Variants in SCEL observed in about 807,000 individuals in gnomAD.
SCEL encodes the protein sciellin.
Under a neutral mutation model 117.6 loss-of-function variants are expected in SCEL, and 113 were observed. The ratio of observed to expected loss-of-function variants is 0.96; its 90% CI spans 0.83 to 1.12. The LOEUF is 1.12. SCEL is among the 50% of genes most tolerant of loss of function. SCEL has a pLI of 0.00. For missense variants in SCEL, 785 were observed against 810.8 expected (o/e 0.97, Z 0.39); for synonymous variants, 270 against 256.2 (o/e 1.05, Z -0.51).
At chr13:77,546,565 T>C (rs962485156) in intron 1 of SCEL, among the ~76,000 whole-genome samples, 3 of 152,288 alleles carry the variant, frequency 2.0e-5, no homozygotes, top group African/African-American at 7.2e-5. Context: ...ATATGTTTTG[T>C]TGATAAAAGA....
At position 77,637,169 on chromosome 13, in the gene SCEL, C is replaced by T; in HGVS notation, c.1813C>T (p.Gln605Ter). ...YQENISGKYI[Q>*]TVYSTSDRSV... ...GGAGAATATCTCTGGAAAATACATA[C>T]AAACTGTTTATTCAACTTCTGATAG... is the stretch of plus-strand genomic sequence containing the variant. The change falls in exon 30 of 33, where the codon CAA becomes TAA. Residue 605 changes from glutamine (Q) to a stop codon, truncating the protein, a stop_gained. Transcript: ENST00000349847. LOFTEE classifies it high-confidence loss of function. 1 of 1,560,640 alleles carries T rather than the reference C, an allele frequency of 6.4e-7. No individual in the cohort carries two copies. The highest frequency in any genetic ancestry group is 8.7e-7 in the Non-Finnish European group (1 of 1,155,644).
chr13:77,602,259 CA>C, intron 16 of SCEL, 135 bp downstream of exon 16: 1 of 636,912 alleles, frequency 1.6e-6, no homozygotes, highest in Non-Finnish European at 2.6e-6. Context: ...ACCTAGTAGG[CA>C]AAAGGAATAT....
At chr13:77,547,449 G>C (rs1359213079) in intron 1 of SCEL, among the ~76,000 whole-genome samples, 1 of 152,114 alleles carries the variant, frequency 6.6e-6, no homozygotes, top group African/African-American at 2.4e-5. Flanking sequence ...GATGGATTTG[G>C]TATAAAAATG....
At chr13:77,568,833 A>C (rs1324490109) in intron 7 of SCEL, among the ~76,000 whole-genome samples, 1 of 152,234 alleles carries the variant, frequency 6.6e-6, no homozygotes, top group Non-Finnish European at 1.5e-5. Context: ...ACAGATTTAT[A>C]AACTTACTTT....
chr13:77,601,114 CTTT>C (rs11378449), intron 15 of SCEL, among the ~76,000 whole-genome samples: 60 of 141,068 alleles, frequency 4.3e-4, no homozygotes, highest in East Asian at 1.6e-3. Context: ...AAAACAGTCT[CTTT>C]TTTTTTTTTT....
chr13:77,616,551 C>T (rs1279408287), intron 24 of SCEL, among the ~76,000 whole-genome samples: 1 of 151,840 alleles, frequency 6.6e-6, no homozygotes, highest in African/African-American at 2.4e-5. Context: ...AAGCTCAAAA[C>T]AGTGAAAATT....
intron 1 of SCEL, among the ~76,000 whole-genome samples, chr13:77,542,091 T>C (rs963547992): frequency 6.6e-6 from 1 of 152,232 alleles, no homozygotes; most frequent in African/African-American, 2.4e-5. Flanking sequence ...TAAAGCTTGC[T>C]GTTATCATTC....
intron 29 of SCEL, 43 bp from the exon 30 acceptor site, chr13:77,637,077 G>C (rs765320831): frequency 9.9e-7 from 1 of 1,009,534 alleles, no homozygotes. Flanking sequence ...TCTACATAAG[G>C]AAAATCACCT....
chr13:77,549,786 C>G (rs1478383938), intron 1 of SCEL, among the ~76,000 whole-genome samples: 5 of 152,134 alleles, frequency 3.3e-5, no homozygotes, highest in Non-Finnish European at 7.3e-5. Context: ...TATGAATGAT[C>G]CACGGGTCAC....
At chr13:77,571,169 G>A (rs1242735121) in intron 8 of SCEL, among the ~76,000 whole-genome samples, 3 of 150,938 alleles carry the variant, frequency 2.0e-5, no homozygotes, top group Admixed American at 6.6e-5. Context: ...GAGGCCGGGC[G>A]CGGTGGCTCA....
chr13:77,572,235 G>A, intron 9 of SCEL, 46 bp downstream of exon 9: 1 of 1,388,086 alleles, frequency 7.2e-7, no homozygotes, highest in South Asian at 1.2e-5. Context: ...TTAGATGGAA[G>A]AACATGTCAG....
chr13:77,626,774 T>C (rs746252245), intron 27 of SCEL, among the ~76,000 whole-genome samples: 3 of 152,134 alleles, frequency 2.0e-5, no homozygotes, highest in Non-Finnish European at 4.4e-5. Context: ...CTTCATAAAT[T>C]ACCTAGTCTC....
At chr13:77,611,231 G>T (rs957145709) in intron 22 of SCEL, among the ~76,000 whole-genome samples, 8 of 152,184 alleles carry the variant, frequency 5.3e-5, no homozygotes, top group African/African-American at 1.7e-4. Context: ...TAAGTACCTT[G>T]TGAACAAATG....
At chr13:77,559,731 G>T in intron 3 of SCEL, 73 bp from the exon 4 acceptor site, 1 of 1,357,642 alleles carries the variant, frequency 7.4e-7, no homozygotes, top group East Asian at 2.3e-5. Context: ...TCGCCCGCAT[G>T]TCTCTCTCAT....
chr13:77,623,385 G>A (rs1432947984), intron 27 of SCEL: 1 of 152,088 alleles, frequency 6.6e-6, no homozygotes, highest in African/African-American at 2.4e-5. Context: ...TGCTCTGAGT[G>A]CGGTGGTGTT....
intron 19 of SCEL, 78 bp downstream of exon 19, chr13:77,604,493 G>T (rs2087971485): frequency 8.3e-7 from 1 of 1,198,132 alleles, no homozygotes; most frequent in South Asian, 1.7e-5. Context: ...TGGTATTCAG[G>T]ACAGTAAATT....
rs374537294 is a variant in SCEL, at chr13:77,593,300, G to GCGCGCGCGCGTC, written c.693-214_693-213insCGCGCGCGCGTC. ...TGTGTGTGTGTGTGTGTGTGTGTCT[G>GCGCGCGCGCGTC]TGTGTGTGTGTGTGTGTGTCAGTGG... On this transcript the variant is annotated intron_variant, in intron 11 of 32. Transcript: ENST00000349847. Among the ~76,000 whole-genome samples, 55 of 145,226 alleles carry GCGCGCGCGCGTC rather than the reference G, an allele frequency of 3.8e-4. 2 individuals carry two copies. Among genetic ancestry groups the GCGCGCGCGCGTC allele is most frequent in the South Asian group, 8.8e-4 (4 of 4,560 alleles).
At chr13:77,590,825 TG>T (rs1294430659) in intron 10 of SCEL, among the ~76,000 whole-genome samples, 5 of 152,068 alleles carry the variant, frequency 3.3e-5, no homozygotes, top group African/African-American at 7.2e-5. Flanking sequence ...CAAGTAGGAA[TG>T]TATAAGTAGG....
intron 24 of SCEL, among the ~76,000 whole-genome samples, chr13:77,615,119 G>A (rs1594128280): frequency 6.6e-6 from 1 of 152,052 alleles, no homozygotes; most frequent in East Asian, 1.9e-4. Context: ...TTAAAAAGGA[G>A]ACATATTGAA....
Sources: allele counts gnomAD v4.1 joint callset (sites outside exome capture counted in the v4.1 genomes callset), GRCh38; gene constraint gnomAD v4.1.1; transcripts MANE v1.5; gene names NCBI Gene and HGNC (gene_info 2026-07-23, HGNC 2026-07-21).